Variants in NEGR1 observed in about 807,000 individuals in gnomAD.
NEGR1 encodes IgLON family member 4.
In NEGR1, 10 loss-of-function variants were observed where a neutral mutation model predicts 40.9. The observed-to-expected ratio is 0.24, with a 90% CI of 0.15 to 0.42. NEGR1 has a LOEUF of 0.42. Ranked by LOEUF, NEGR1 falls within the 10% of genes least tolerant of loss-of-function variation. NEGR1 has a pLI of 1.00. For missense variants in NEGR1, 352 were observed against 438.9 expected (o/e 0.80, Z 1.77); for synonymous variants, 185 against 166.8 (o/e 1.11, Z -0.84).
chr1:71,513,780 G>T (rs1647094435), intron 6 of NEGR1, among the ~76,000 whole-genome samples: 1 of 151,858 alleles, frequency 6.6e-6, no homozygotes, highest in African/African-American at 2.4e-5. Context: ...CGACGCAGAA[G>T]ACGGGTGATT....
At chr1:72,248,446 T>A (rs1287205220) in intron 1 of NEGR1, among the ~76,000 whole-genome samples, 1 of 151,806 alleles carries the variant, frequency 6.6e-6, no homozygotes, top group Non-Finnish European at 1.5e-5. Context: ...TTAAGATAGA[T>A]GGGGTTTCGC....
chr1:71,629,424 G>A (rs1319116061), intron 4 of NEGR1, among the ~76,000 whole-genome samples: 2 of 151,910 alleles, frequency 1.3e-5, no homozygotes, highest in African/African-American at 4.8e-5. Context: ...GCAGTGGTTT[G>A]TTCCCCTTGA....
At chr1:72,145,207 C>T (rs1650860910) in intron 1 of NEGR1, among the ~76,000 whole-genome samples, 1 of 152,050 alleles carries the variant, frequency 6.6e-6, no homozygotes, top group Non-Finnish European at 1.5e-5. Flanking sequence ...GATAAGATAA[C>T]ACTAATACAT....
chr1:72,263,565 T>C (rs1419529832), intron 1 of NEGR1, among the ~76,000 whole-genome samples: 1 of 151,698 alleles, frequency 6.6e-6, no homozygotes, highest in East Asian at 1.9e-4. Context: ...TCTGCTGTTA[T>C]AGTTAAATAT....
chr1:72,076,652 A>C (rs1281361445), intron 1 of NEGR1, among the ~76,000 whole-genome samples: 1 of 152,090 alleles, frequency 6.6e-6, no homozygotes, highest in South Asian at 2.1e-4. Flanking sequence ...CTCCATATAT[A>C]TGTGTCCGTG....
chr1:71,923,166 G>A (rs919283360), intron 2 of NEGR1, among the ~76,000 whole-genome samples: 1 of 152,002 alleles, frequency 6.6e-6, no homozygotes, highest in Non-Finnish European at 1.5e-5. Context: ...AGATAGATAC[G>A]ATCCATATTT....
intron 1 of NEGR1, among the ~76,000 whole-genome samples, chr1:72,051,916 T>C (rs1008910087): frequency 5.3e-5 from 8 of 151,476 alleles, no homozygotes; most frequent in Non-Finnish European, 7.4e-5. Flanking sequence ...TTGTCCTATG[T>C]AGAAGTTTGT....
At chr1:72,093,493 A>G (rs1376100175) in intron 1 of NEGR1, among the ~76,000 whole-genome samples, 1 of 152,156 alleles carries the variant, frequency 6.6e-6, no homozygotes, top group Non-Finnish European at 1.5e-5. Context: ...ATTAACACTC[A>G]TCAATAGTTT....
chr1:72,125,374 T>A (rs938715427), intron 1 of NEGR1, among the ~76,000 whole-genome samples: 3 of 152,070 alleles, frequency 2.0e-5, no homozygotes, highest in Non-Finnish European at 2.9e-5. Context: ...AATAACAGAA[T>A]AATGAAATAT....
intron 4 of NEGR1, among the ~76,000 whole-genome samples, chr1:71,658,318 TG>T (rs1651940926): frequency 6.6e-6 from 1 of 152,218 alleles, no homozygotes; most frequent in Non-Finnish European, 1.5e-5. Flanking sequence ...CTAAATAAAA[TG>T]AGCTTCTTTC....
intron 1 of NEGR1, among the ~76,000 whole-genome samples, chr1:72,184,279 A>G (rs1349709600): frequency 6.6e-6 from 1 of 152,146 alleles, no homozygotes; most frequent in African/African-American, 2.4e-5. Flanking sequence ...CAACAGCAAC[A>G]TTACTGGCAA....
intron 1 of NEGR1, among the ~76,000 whole-genome samples, chr1:72,245,071 C>T (rs1442899464): frequency 1.3e-5 from 2 of 151,878 alleles, no homozygotes; most frequent in Admixed American, 1.3e-4. Context: ...CTTTTTTGAC[C>T]TAAGACAGGA....
intron 2 of NEGR1, among the ~76,000 whole-genome samples, chr1:71,885,435 T>C (rs1660697917): frequency 1.3e-5 from 2 of 152,232 alleles, no homozygotes; most frequent in African/African-American, 4.8e-5. Context: ...TCTACTTGTT[T>C]AGTTTTTTGT....
Position 71,620,779 on chromosome 1 carries a change from C to T in NEGR1, c.668-9633G>A, listed in dbSNP as rs577686471. On this transcript the variant is annotated intron_variant, in intron 4 of 6. Coordinates refer to ENST00000357731, the MANE Select transcript of NEGR1 (RefSeq NM_173808.3). ...AATCTAGTTTGTAATGTACCTCCAG[C>T]TTCCCCCAGACCTTAAACATTTACA... Among the ~76,000 whole-genome samples, 8 of 151,994 alleles carry T rather than the reference C, an allele frequency of 5.3e-5. No individual in the cohort carries two copies. The East Asian group carries it at 1.6e-3, about 30-fold the overall frequency.
intron 2 of NEGR1, among the ~76,000 whole-genome samples, chr1:71,835,958 T>C (rs1659013420): frequency 6.6e-6 from 1 of 152,096 alleles, no homozygotes; most frequent in Non-Finnish European, 1.5e-5. Flanking sequence ...TATATTTAAG[T>C]AATTAATTTG....
chr1:72,016,804 T>C (rs1646714307), intron 1 of NEGR1, among the ~76,000 whole-genome samples: 1 of 152,156 alleles, frequency 6.6e-6, no homozygotes, highest in Non-Finnish European at 1.5e-5. Context: ...CCCAGACAGT[T>C]TGGCCTTTCT....
At chr1:71,741,314 A>G (rs1655205720) in intron 3 of NEGR1, among the ~76,000 whole-genome samples, 1 of 152,218 alleles carries the variant, frequency 6.6e-6, no homozygotes, top group Non-Finnish European at 1.5e-5. Flanking sequence ...TGAACATTGC[A>G]AAAATAATAG....
intron 1 of NEGR1, among the ~76,000 whole-genome samples, chr1:72,268,743 A>T: frequency 6.6e-6 from 1 of 151,614 alleles, no homozygotes; most frequent in East Asian, 1.9e-4. Flanking sequence ...TAATAATTTT[A>T]AATAATATAA....
chr1:71,598,317 G>T (rs2101528853), intron 5 of NEGR1, among the ~76,000 whole-genome samples: 1 of 152,314 alleles, frequency 6.6e-6, no homozygotes, highest in South Asian at 2.1e-4. Flanking sequence ...AAATAGCCAA[G>T]TGGTATGTGT....
Sources: gnomAD v4.1 joint callset for allele counts (sites outside exome capture counted in the v4.1 genomes callset) on GRCh38, gnomAD v4.1.1 for gene constraint, MANE v1.5 for transcripts, NCBI Gene and HGNC (gene_info 2026-07-23, HGNC 2026-07-21) for gene names.